The following FAM227B variants were observed in gnomAD, a reference collection of about 807,000 sequenced individuals.
FAM227B encodes family with sequence similarity 227 member B.
Under a neutral mutation model 73.8 loss-of-function variants are expected in FAM227B, and 88 were observed. The ratio of observed to expected loss-of-function variants is 1.19; its 90% CI spans 1.00 to 1.42. FAM227B has a LOEUF of 1.42. FAM227B is among the 40% of genes most tolerant of loss of function. The pLI, the probability that FAM227B is intolerant of heterozygous loss-of-function variation, is 0.00. For synonymous variants in FAM227B, 210 were observed against 190.5 expected, an observed-to-expected ratio of 1.10 and a Z score of -0.84; for missense variants, 632 against 590.9, an observed-to-expected ratio of 1.07 and a Z score of -0.72.
intron 10 of FAM227B, among the ~76,000 whole-genome samples, chr15:49,532,093 G>C (rs1220374930): frequency 6.7e-6 from 1 of 149,552 alleles, no homozygotes; most frequent in African/African-American, 2.4e-5. Context: ...AGATATTTAA[G>C]GGATTATCTA....
chr15:49,496,043 T>A (rs2057574144), intron 11 of FAM227B, among the ~76,000 whole-genome samples: 2 of 151,932 alleles, frequency 1.3e-5, no homozygotes, highest in African/African-American at 4.8e-5. Flanking sequence ...ATAAATAAAA[T>A]AAATAAATAA....
intron 11 of FAM227B, among the ~76,000 whole-genome samples, chr15:49,492,523 A>G (rs757055717): frequency 4.0e-5 from 6 of 151,762 alleles, no homozygotes; most frequent in Non-Finnish European, 7.4e-5. Flanking sequence ...TGTACATGTC[A>G]CTCAACTAGC....
chr15:49,496,931 T>TCACACACACA (rs147133019), intron 11 of FAM227B, among the ~76,000 whole-genome samples: 74 of 142,126 alleles, frequency 5.2e-4, no homozygotes, highest in African/African-American at 1.8e-3. Context: ...ATACACAAAG[T>TCACACACACA]CACACACACA....
chr15:49,451,688 A>G (rs2151887618), intron 11 of FAM227B, among the ~76,000 whole-genome samples: 1 of 152,298 alleles, frequency 6.6e-6, no homozygotes, highest in African/African-American at 2.4e-5. Flanking sequence ...ATTTTTATGT[A>G]CGTCTCAAAT....
intron 9 of FAM227B, among the ~76,000 whole-genome samples, chr15:49,564,611 G>A (rs2074498834): frequency 6.6e-6 from 1 of 151,896 alleles, no homozygotes; most frequent in African/African-American, 2.4e-5. Context: ...ATGGTGAACT[G>A]GATGAAGAAA....
chr15:49,579,376 G>A (rs1385243836), intron 5 of FAM227B, among the ~76,000 whole-genome samples: 2 of 152,142 alleles, frequency 1.3e-5, no homozygotes, highest in Non-Finnish European at 2.9e-5. Flanking sequence ...ATTCACGATA[G>A]CTAAGGTATG....
chr15:49,444,597 A>T (rs2052004004), intron 11 of FAM227B, among the ~76,000 whole-genome samples: 3 of 151,714 alleles, frequency 2.0e-5, no homozygotes, highest in South Asian at 4.1e-4. Flanking sequence ...AGCTGAAATA[A>T]CTTGGTATCT....
At chr15:49,478,561 G>A (rs1315833445) in intron 11 of FAM227B, among the ~76,000 whole-genome samples, 2 of 151,670 alleles carry the variant, frequency 1.3e-5, no homozygotes, top group Non-Finnish European at 2.9e-5. Flanking sequence ...TTTTTTCTTT[G>A]TTGATACTAG....
intron 10 of FAM227B, among the ~76,000 whole-genome samples, chr15:49,538,830 T>C (rs1040445603): frequency 6.6e-6 from 1 of 152,110 alleles, no homozygotes; most frequent in African/African-American, 2.4e-5. Context: ...ATTGACCTCA[T>C]TGTTTTCAAG....
chr15:49,538,511 G>A (rs1911612), intron 10 of FAM227B, among the ~76,000 whole-genome samples: 38,124 of 152,034 alleles, frequency 0.25, 5,755 homozygotes, highest in Non-Finnish European at 0.35. Context: ...CTTCACTTTG[G>A]GTACCAGGGG....
At position 49,359,488 on chromosome 15, in the gene FAM227B, ATGCTCATCAT is replaced by A. The variant is rs1289795026; in HGVS notation, c.1271+7950_1271+7959del. Among the ~76,000 whole-genome samples the A allele has an allele frequency of 1.7e-5, 2 of 119,578 alleles. 1 individual carries two copies. Among genetic ancestry groups the A allele is most frequent in the Non-Finnish European group, 3.7e-5 (2 of 54,392 alleles). The allele number at this position is 119,578 out of a possible 152,430, so 78.4% of individuals were successfully genotyped here. On this transcript the variant is annotated intron_variant, in intron 13 of 15. Coordinates refer to ENST00000299338, the MANE Select transcript of FAM227B (RefSeq NM_152647.3). ...ATGCAGCCAAAAAACACATGAAAAA[ATGCTCATCAT>A]CACTGGCCGTCAGAGAAATGCAAAT...
At chr15:49,528,462 C>T (rs1372725539) in intron 10 of FAM227B, among the ~76,000 whole-genome samples, 1 of 151,582 alleles carries the variant, frequency 6.6e-6, no homozygotes, top group African/African-American at 2.4e-5. Flanking sequence ...ATGACTAAGA[C>T]TTCAAAGGCA....
intron 11 of FAM227B, among the ~76,000 whole-genome samples, chr15:49,474,593 G>C (rs1353727953): frequency 2.0e-5 from 3 of 152,158 alleles, no homozygotes; most frequent in Non-Finnish European, 4.4e-5. Context: ...GAAAATACTA[G>C]ATAGCTATTT....
intron 10 of FAM227B, among the ~76,000 whole-genome samples, chr15:49,532,243 T>G (rs993792194): frequency 6.6e-6 from 1 of 151,614 alleles, no homozygotes; most frequent in Non-Finnish European, 1.5e-5. Context: ...TTTGAAACAT[T>G]TTTAGGGATT....
intron 11 of FAM227B, among the ~76,000 whole-genome samples, chr15:49,426,011 A>G (rs1048996370): frequency 2.6e-5 from 4 of 151,498 alleles, no homozygotes; most frequent in East Asian, 3.9e-4. Context: ...TATCATGGAT[A>G]TAATAACAAT....
intron 11 of FAM227B, among the ~76,000 whole-genome samples, chr15:49,447,923 C>T (rs1461802874): frequency 2.0e-5 from 3 of 151,656 alleles, no homozygotes; most frequent in Non-Finnish European, 4.4e-5. Flanking sequence ...AATCCTCAGG[C>T]TCGTGTCCTT....
chr15:49,479,879 G>C (rs1378724251), intron 11 of FAM227B, among the ~76,000 whole-genome samples: 1 of 152,196 alleles, frequency 6.6e-6, no homozygotes, highest in African/African-American at 2.4e-5. Flanking sequence ...CTCCCAAAGT[G>C]CTGGGATTAC....
intron 10 of FAM227B, among the ~76,000 whole-genome samples, chr15:49,525,259 A>T (rs1000400962): frequency 1.3e-5 from 2 of 151,976 alleles, no homozygotes; most frequent in Non-Finnish European, 2.9e-5. Context: ...TGGGATAGTG[A>T]ATAAGTCTCA....
intron 15 of FAM227B, chr15:49,330,254 A>G (rs1471484006): frequency 6.6e-6 from 1 of 152,240 alleles, no homozygotes; most frequent in African/African-American, 2.4e-5. Flanking sequence ...GTAGTGAAGA[A>G]TAAGATTGAC....
Sources: allele counts gnomAD v4.1 joint callset (sites outside exome capture counted in the v4.1 genomes callset), GRCh38; gene constraint gnomAD v4.1.1; transcripts MANE v1.5; gene names NCBI Gene and HGNC (gene_info 2026-07-23, HGNC 2026-07-21).